Variants in CPSF1 observed in about 807,000 individuals in gnomAD.
The protein encoded by CPSF1 is cleavage and polyadenylation specific factor 1.
CPSF1 carries 106 observed loss-of-function variants against 175.8 expected under a neutral mutation model. That is an observed-to-expected ratio of 0.60 (90% CI 0.52 to 0.71). The LOEUF is 0.71. Among genes scored for constraint, CPSF1 ranks in the 30% least tolerant of loss-of-function variants. CPSF1 has a pLI of 0.00. For missense variants in CPSF1, 1,734 were observed against 2,022.9 expected (o/e 0.86, Z 2.74); for synonymous variants, 1,024 against 858.3 (o/e 1.19, Z -3.37).
In CPSF1 at chr8:144,409,145, T is replaced by C; in HGVS notation, c.14A>G (p.Tyr5Cys). 1 of 1,611,146 alleles carries C rather than the reference T, an allele frequency of 6.2e-7. No homozygotes were observed. Among genetic ancestry groups the C allele is most frequent in the East Asian group, 2.2e-5 (1 of 44,510 alleles). The change falls in exon 2 of 38, where the codon TAC becomes TGC. Residue 5 changes from tyrosine to cysteine, a missense_variant. Transcript: ENST00000616140. MYAVYKQAHPPTGLE... is the reference protein window; with the variant it reads MYAVCKQAHPPTGLE... ...ACCGGTGGGCGGATGCGCCTGTTTG[T>C]ACACGGCGTACATGGCGCCAACCCG...
intron 5 of CPSF1, 36 bp downstream of exon 5, chr8:144,401,175 G>C (rs1278266665): frequency 9.7e-6 from 15 of 1,548,054 alleles, no homozygotes; most frequent in Non-Finnish European, 1.3e-5. Context: ...AGGGTGGCTG[G>C]GCGGGGCCTG....
At position 144,401,308 on chromosome 8, in the gene CPSF1, C is replaced by T. The variant is rs2116883411; in HGVS notation, c.307-17G>A. On this transcript the variant is annotated splice_polypyrimidine_tract_variant and intron_variant, in intron 4 of 37. Coordinates refer to ENST00000616140, the MANE Select transcript of CPSF1 (RefSeq NM_013291.3). ...CACAGACAGCTGCGGTCAGAGGGCA[C>T]AGCCGTGGCTGCCGACTGCCGGTCC... 6.3e-7 allele frequency: 1 copy of T among 1,580,966 alleles called. No individual in the cohort carries two copies. Among genetic ancestry groups the T allele is most frequent in the South Asian group, 1.1e-5 (1 of 87,524 alleles).
Position 144,394,919 on chromosome 8 carries a change from C to T in CPSF1, c.3377G>A (p.Cys1126Tyr). 1 of 1,612,692 alleles carries T rather than the reference C, an allele frequency of 6.2e-7. No individual in the cohort carries two copies. The highest frequency in any genetic ancestry group is 8.5e-7 in the Non-Finnish European group (1 of 1,179,872). The change falls in exon 30 of 38, where the codon TGC (cysteine) becomes TAC (tyrosine). Residue 1126 changes from cysteine (C) to tyrosine (Y), a missense_variant. Around this residue, in one of 10 missense-constraint regions of CPSF1, gnomAD observed 62 missense variants for 124.5 expected, o/e 0.50. Transcript: ENST00000616140. ...GLKGYVAAGT[C>Y]LMQGEEVTCR... Reference sequence around the variant, plus strand: ...CGTGACCTCCTCCCCCTGCATGAGGCAGGTCCCGGCGGCCACGTAGCCTTT... The same window carrying T: ...CGTGACCTCCTCCCCCTGCATGAGGTAGGTCCCGGCGGCCACGTAGCCTTT...
At chr8:144,397,088 CG>C in intron 23 of CPSF1, 118 bp downstream of exon 23, 1 of 510,382 alleles carries the variant, frequency 2.0e-6, no homozygotes. Flanking sequence ...GGTGGAGCCA[CG>C]GGAAGGGGCG....
intron 5 of CPSF1, 65 bp from the exon 6 acceptor site, chr8:144,401,140 A>C: frequency 6.4e-7 from 1 of 1,560,658 alleles, no homozygotes; most frequent in Non-Finnish European, 8.7e-7. Context: ...ACTTGGGGCC[A>C]CAGAACCCAG....
chr8:144,409,139 T>C lies in CPSF1; in HGVS notation c.20A>G (p.Gln7Arg), dbSNP rs2116913438. The change falls in exon 2 of 38, where the codon CAG (glutamine) becomes CGG (arginine). Residue 7 changes from glutamine (Q) to arginine (R), a missense_variant. Coordinates refer to ENST00000616140, the MANE Select transcript of CPSF1 (RefSeq NM_013291.3). The stretch of plus-strand genomic sequence containing the variant: ...CTCCAGACCGGTGGGCGGATGCGCC[T>C]GTTTGTACACGGCGTACATGGCGCC... MYAVYK[Q>R]AHPPTGLEFS... 6.2e-7 allele frequency: 1 copy of C among 1,612,342 alleles called. No individual in the cohort carries two copies. Among genetic ancestry groups the C allele is most frequent in the South Asian group, 1.1e-5 (1 of 90,970 alleles).
rs2116860455 is a variant in CPSF1, at chr8:144,399,217, G to A, written c.1393-15C>T. ...CTGTCACACACCTGCGGCACAGCAA[G>A]AGTCAGGGGCCCGCTGGGGGCGCTG... On this transcript the variant is annotated splice_polypyrimidine_tract_variant and intron_variant, in intron 14 of 37. Coordinates refer to ENST00000616140, the MANE Select transcript of CPSF1 (RefSeq NM_013291.3). The surrounding 1 kb of genome is among the most constrained non-coding windows in gnomAD (Gnocchi z 6.4). 8.7e-6 allele frequency: 14 copies of A among 1,611,278 alleles called. No homozygotes were observed. The highest frequency in any genetic ancestry group is 1.3e-5 in the African/African-American group (1 of 74,936).
chr8:144,399,486 C>T lies in CPSF1; in HGVS notation c.1260G>A (p.Lys420=). The change falls in exon 13 of 38, where the codon AAG becomes AAA. Residue 420 remains lysine, a synonymous_variant. Transcript: ENST00000616140. This position sits in a 1 kb window ranked among gnomAD's most constrained non-coding sequence, Gnocchi z 6.4. ...CGGCCGTCGCATCCACTCGCTTCTT[C>T]TTTGAGGGAGGCTCTTCCTGTGAGG... The part of the protein sequence containing the change: ...EAADKEEPPS[K]KKRVDATAGW... 1 of 1,613,098 alleles carries T rather than the reference C, an allele frequency of 6.2e-7. No homozygotes were observed. The highest frequency in any genetic ancestry group is 8.5e-7 in the Non-Finnish European group (1 of 1,179,950).
Position 144,400,034 on chromosome 8 carries a change from A to G in CPSF1, c.989T>C (p.Ile330Thr). Residue 330 changes from isoleucine to threonine, a missense_variant, in exon 10 of 38, where the codon ATC (isoleucine) becomes ACC (threonine). Ile to Thr is a moderately conservative substitution (Grantham distance 89). This residue lies in a region of CPSF1 where 162 missense variants were observed against 169.5 expected (regional missense o/e 0.96). Transcript: ENST00000616140. ...GGAGATGACCATCTTGTCGTAGGAG[A>G]TGAAGGTGGCCTGGGCGCAGTCCAG... Reference protein sequence around the residue: ...ITLDCAQATFISYDKMVISLK... With the variant: ...ITLDCAQATFTSYDKMVISLK... The G allele has an allele frequency of 1.2e-6, 2 of 1,611,044 alleles. No individual in the cohort carries two copies. Among genetic ancestry groups the G allele is most frequent in the South Asian group, 1.1e-5 (1 of 90,998 alleles).
Position 144,397,494 on chromosome 8 carries a change from G to C in CPSF1, c.2378C>G (p.Thr793Ser). Residue 793 changes from threonine (T) to serine (S), a missense_variant, in exon 22 of 38, where the codon ACC becomes AGC. Physicochemically the swap from Thr to Ser is moderately conservative, Grantham distance 58 (BLOSUM62 1). This residue lies in a region of CPSF1 where 585 missense variants were observed against 584.7 expected (regional missense o/e 1.00). Transcript: ENST00000616140. ...GTGCAGGGCACCACCTACCTCCATGGTGCCATTCTCCCGCACCAGCAGGCA... is the reference window on the plus strand; with the variant it reads ...GTGCAGGGCACCACCTACCTCCATGCTGCCATTCTCCCGCACCAGCAGGCA... ...HWCLLVRENG[T>S]MEIYQLPDWR... 1.9e-6 allele frequency: 3 copies of C among 1,595,364 alleles called. No individual in the cohort carries two copies. Among genetic ancestry groups the C allele is most frequent in the Non-Finnish European group, 2.6e-6 (3 of 1,166,668 alleles).
rs1554862343 is a variant in CPSF1 at position 144,393,748 on chromosome 8, GTCT to G, written c.4061_4063del (p.Lys1354del). The G allele has an allele frequency of 1.3e-6, 2 of 1,585,434 alleles. No individual in the cohort carries two copies. Among genetic ancestry groups the G allele is most frequent in the East Asian group, 2.3e-5 (1 of 44,156 alleles). ...CTGCAGCATCAGCAGCCGCCGGTAG[GTCT>G]TCTCCTGCATGGGCAGCAGCAGCCC... On this transcript the variant is annotated inframe_deletion, in exon 36 of 38. Coordinates refer to ENST00000616140, the MANE Select transcript of CPSF1 (RefSeq NM_013291.3).
chr8:144,395,017 C>A lies in CPSF1; in HGVS notation c.3279G>T (p.Glu1093Asp). 6.2e-7 allele frequency: 1 copy of A among 1,609,124 alleles called. No individual in the cohort carries two copies. The highest frequency in any genetic ancestry group is 8.5e-7 in the Non-Finnish European group (1 of 1,177,152). Reference sequence around the variant, plus strand: ...AGGTCACATGCTCCCACTCCTGCAGCTCGATCCTGTGGGGGCCAGGGGCCT... The same window carrying A: ...AGGTCACATGCTCCCACTCCTGCAGATCGATCCTGTGGGGGCCAGGGGCCT... Reference protein sequence around the residue: ...SWEAIPNARIELQEWEHVTCM... With the variant: ...SWEAIPNARIDLQEWEHVTCM... The change falls in exon 30 of 38, where the codon GAG (glutamate) becomes GAT (aspartate). Residue 1093 changes from glutamate (E) to aspartate (D), a missense_variant. Physicochemically the swap from Glu to Asp is conservative, Grantham distance 45. Around this residue, in one of 10 missense-constraint regions of CPSF1, gnomAD observed 585 missense variants for 584.7 expected, o/e 1.00. Transcript: ENST00000616140.
chr8:144,407,417 C>T (rs1319258800), intron 2 of CPSF1, among the ~76,000 whole-genome samples: 1 of 152,122 alleles, frequency 6.6e-6, no homozygotes, highest in Non-Finnish European at 1.5e-5. Flanking sequence ...CACAGTGGTG[C>T]ACTCCTGTAA....
At chr8:144,396,975 G>T (rs916315514) in intron 23 of CPSF1, 46 bp from the exon 24 acceptor site, 1 of 1,431,742 alleles carries the variant, frequency 7.0e-7, no homozygotes, top group South Asian at 1.2e-5. Flanking sequence ...GGGCCATGGA[G>T]AACATGGGAT....
chr8:144,397,446 T>C, intron 22 of CPSF1, 33 bp from the exon 23 acceptor site: 1 of 1,582,962 alleles, frequency 6.3e-7, no homozygotes, highest in Non-Finnish European at 8.6e-7. Flanking sequence ...TGGAGGCAGG[T>C]GGGTGGAACC....
Position 144,395,005 on chromosome 8 carries a change from C to G in CPSF1, c.3291G>C (p.Trp1097Cys), listed in dbSNP as rs1554863132. ...IPNARIELQE[W>C]EHVTCMKTVS... The stretch of plus-strand genomic sequence containing the variant: ...CTGTCTTCATGCAGGTCACATGCTC[C>G]CACTCCTGCAGCTCGATCCTGTGGG... The change falls in exon 30 of 38, where the codon TGG becomes TGC. Residue 1097 changes from tryptophan (W) to cysteine (C), a missense_variant. Around this residue, in one of 10 missense-constraint regions of CPSF1, gnomAD observed 585 missense variants for 584.7 expected, o/e 1.00. Transcript: ENST00000616140. The G allele has an allele frequency of 8.1e-6, 13 of 1,611,046 alleles. No homozygotes were observed. The highest frequency in any genetic ancestry group is 1.3e-5 in the African/African-American group (1 of 75,052).
chr8:144,408,972 C>T, intron 2 of CPSF1, 43 bp downstream of exon 2: 6 of 1,602,214 alleles, frequency 3.7e-6, no homozygotes, highest in Non-Finnish European at 5.1e-6. Context: ...GTGAGAGCAC[C>T]CACGTCGCGG....
At position 144,409,084 on chromosome 8, in the gene CPSF1, G is replaced by A. The variant is rs2116913074; in HGVS notation, c.75C>T (p.Asn25=). ...CGGCCACTACCAGGTTGCGCTCGCT[G>A]TTGTTGAAGAAGTTGCAGTACATGG... ...EFSMYCNFFN[N]SERNLVVAGT... Residue 25 remains asparagine (N), a synonymous_variant, in exon 2 of 38, where the codon AAC becomes AAT. Transcript: ENST00000616140. 3 of 1,613,914 alleles carry A rather than the reference G, an allele frequency of 1.9e-6. No individual in the cohort carries two copies. Among genetic ancestry groups the A allele is most frequent in the Non-Finnish European group, 1.7e-6 (2 of 1,179,936 alleles).
Position 144,409,275 on chromosome 8 carries a change from G to A in CPSF1, c.-15+14C>T, listed in dbSNP as rs1821668509. 10 of 970,800 alleles carry A rather than the reference G, an allele frequency of 1.0e-5. No individual in the cohort carries two copies. Among genetic ancestry groups the A allele is most frequent in the East Asian group, 3.8e-5 (1 of 25,980 alleles). The allele number at this position is 970,800 out of a possible 1,614,324, so 60.1% of individuals were successfully genotyped here. A position where few individuals can be genotyped will look rare whatever the true frequency, so the allele number is the denominator to read the frequency against. On this transcript the variant is annotated intron_variant, in intron 1 of 37. Transcript: ENST00000616140. ...CCTCGCGCTGCCGCCTCGGCCGCCC[G>A]CCCGGCCGCCCACCTGGCAGTTGGA...
Sources: allele counts gnomAD v4.1 joint callset (sites outside exome capture counted in the v4.1 genomes callset), GRCh38; gene constraint gnomAD v4.1.1; regional missense constraint gnomAD v4.1.1; non-coding constraint Gnocchi (gnomAD v3.1); transcripts MANE v1.5; gene names NCBI Gene and HGNC (gene_info 2026-07-23, HGNC 2026-07-21).